Variants in GPM6A observed in about 807,000 individuals in gnomAD.
GPM6A encodes the protein neuronal membrane glycoprotein M6-a.
In GPM6A, 7 loss-of-function variants were observed where a neutral mutation model predicts 32.1. That is an observed-to-expected ratio of 0.22 (90% confidence interval 0.12 to 0.41). The LOEUF (loss-of-function observed/expected upper bound fraction) is 0.41. Among genes scored for constraint, GPM6A ranks in the 10% least tolerant of loss-of-function variants. The pLI is 1.00. For synonymous variants in GPM6A, 130 were observed against 123.4 expected (o/e 1.05, Z -0.35); for missense variants, 235 against 347.2 (o/e 0.68, Z 2.57).
chr4:175,826,789 C>T (rs1735452897), intron 1 of GPM6A, among the ~76,000 whole-genome samples: 1 of 150,956 alleles, frequency 6.6e-6, no homozygotes, highest in Non-Finnish European at 1.5e-5. Context: ...AGTCAGGCAG[C>T]AAAAGAAAAT....
chr4:175,896,193 A>G (rs1737789480), intron 1 of GPM6A, among the ~76,000 whole-genome samples: 1 of 152,130 alleles, frequency 6.6e-6, no homozygotes. Context: ...CAGGATGATG[A>G]AGTCTCAGGG....
intron 1 of GPM6A, among the ~76,000 whole-genome samples, chr4:175,781,621 AT>A (rs1426006454): frequency 1.3e-5 from 2 of 152,072 alleles, no homozygotes; most frequent in African/African-American, 2.4e-5. Context: ...TTTGCCTCTG[AT>A]TTCCTGCACT....
chr4:175,806,180 T>C (rs1458343614), intron 1 of GPM6A: 1 of 152,168 alleles, frequency 6.6e-6, no homozygotes, highest in African/African-American at 2.4e-5. Flanking sequence ...GAGTTCGCAA[T>C]GGACAAACTA....
intron 1 of GPM6A, among the ~76,000 whole-genome samples, chr4:175,851,066 CTG>C (rs1450722564): frequency 5.3e-5 from 8 of 152,092 alleles, no homozygotes; most frequent in African/African-American, 1.9e-4. Context: ...TTTCTGAAGA[CTG>C]TAGCCTCCAG....
At chr4:175,841,380 C>A (rs775933308) in intron 1 of GPM6A, among the ~76,000 whole-genome samples, 1 of 151,804 alleles carries the variant, frequency 6.6e-6, no homozygotes, top group Non-Finnish European at 1.5e-5. Flanking sequence ...TTAATGTACG[C>A]GCCTGGAAAT....
At chr4:175,785,073 A>C (rs763258921) in intron 1 of GPM6A, among the ~76,000 whole-genome samples, 2 of 152,184 alleles carry the variant, frequency 1.3e-5, no homozygotes, top group Non-Finnish European at 2.9e-5. Flanking sequence ...TTGCAAGTAC[A>C]ATGTAACAGA....
rs1177216580 is a variant in GPM6A, at chr4:175,640,202, G to A, written c.619-8C>T. On this transcript the variant is annotated splice_polypyrimidine_tract_variant and splice_region_variant and intron_variant, in intron 5 of 6. Coordinates refer to ENST00000393658, the MANE Select transcript of GPM6A (RefSeq NM_201591.3). Reference sequence around the variant, plus strand: ...GTGGAAGGTCATGTTCAGCTGCAATGGAAACCACAGAGAATCAAAAGGTGT... The same window carrying A: ...GTGGAAGGTCATGTTCAGCTGCAATAGAAACCACAGAGAATCAAAAGGTGT... 2 of 1,610,514 alleles carry A rather than the reference G, an allele frequency of 1.2e-6. No homozygotes were observed. The highest frequency in any genetic ancestry group is 8.5e-7 in the Non-Finnish European group (1 of 1,176,832).
At chr4:175,683,605 T>G (rs939967352) in intron 2 of GPM6A, among the ~76,000 whole-genome samples, 1 of 151,846 alleles carries the variant, frequency 6.6e-6, no homozygotes, top group African/African-American at 2.4e-5. Context: ...GTCTTGGGGG[T>G]GGATCTCTCA....
intron 1 of GPM6A, among the ~76,000 whole-genome samples, chr4:175,845,799 A>G: frequency 6.6e-6 from 1 of 152,116 alleles, no homozygotes; most frequent in East Asian, 1.9e-4. Context: ...TGTCAAGACA[A>G]TCACCATAAG....
At chr4:175,673,545 A>G (rs1743196231) in intron 3 of GPM6A, 135 bp downstream of exon 3, 1 of 549,560 alleles carries the variant, frequency 1.8e-6, no homozygotes, top group Non-Finnish European at 3.1e-6. Flanking sequence ...TGTTATCAAG[A>G]TTTAAGATAG....
intron 1 of GPM6A, among the ~76,000 whole-genome samples, chr4:175,866,714 G>T (rs1457414402): frequency 2.0e-5 from 3 of 152,140 alleles, no homozygotes; most frequent in Non-Finnish European, 4.4e-5. Flanking sequence ...TAAGGATAAA[G>T]CTGCTATAAA....
chr4:175,805,830 A>G (rs1037211627), intron 1 of GPM6A: 2 of 152,168 alleles, frequency 1.3e-5, no homozygotes, highest in African/African-American at 4.8e-5. Context: ...CCAATAAGGA[A>G]CTGAGTCTCA....
chr4:175,749,319 T>C (rs957407569), intron 1 of GPM6A, among the ~76,000 whole-genome samples: 1 of 152,136 alleles, frequency 6.6e-6, no homozygotes, highest in Non-Finnish European at 1.5e-5. Context: ...GTTTGAAATA[T>C]TGTGAGAAAT....
chr4:175,899,544 G>A (rs551431343), intron 1 of GPM6A, among the ~76,000 whole-genome samples: 13 of 152,186 alleles, frequency 8.5e-5, no homozygotes, highest in African/African-American at 2.9e-4. Context: ...ATGGAACAGA[G>A]TAAAGAACAC....
intron 1 of GPM6A, among the ~76,000 whole-genome samples, chr4:175,986,549 C>T (rs1740981307): frequency 6.6e-6 from 1 of 152,136 alleles, no homozygotes; most frequent in Non-Finnish European, 1.5e-5. Flanking sequence ...GAGACTCCAC[C>T]TCTACAAACA....
intron 1 of GPM6A, among the ~76,000 whole-genome samples, chr4:175,995,184 T>G (rs547119399): frequency 6.6e-6 from 1 of 152,272 alleles, no homozygotes; most frequent in East Asian, 1.9e-4. Flanking sequence ...TACTGATATT[T>G]GATCTCCTCC....
chr4:175,792,683 CTCTT>C (rs1235306893), intron 1 of GPM6A, among the ~76,000 whole-genome samples: 2 of 152,090 alleles, frequency 1.3e-5, no homozygotes, highest in East Asian at 1.9e-4. Context: ...CAATGTAAAA[CTCTT>C]TATTTTGGAA....
At chr4:175,944,173 C>T (rs1472850267) in intron 1 of GPM6A, among the ~76,000 whole-genome samples, 1 of 152,012 alleles carries the variant, frequency 6.6e-6, no homozygotes, top group Non-Finnish European at 1.5e-5. Flanking sequence ...AAGTAGCAGA[C>T]AATAATAGAT....
chr4:175,714,706 C>T (rs923797789), intron 1 of GPM6A, among the ~76,000 whole-genome samples: 1 of 152,028 alleles, frequency 6.6e-6, no homozygotes, highest in African/African-American at 2.4e-5. Flanking sequence ...AGAATGGTGA[C>T]ATTTTTATGT....
Sources: gnomAD v4.1 joint callset for allele counts (sites outside exome capture counted in the v4.1 genomes callset) on GRCh38, gnomAD v4.1.1 for gene constraint, MANE v1.5 for transcripts, NCBI Gene and HGNC (gene_info 2026-07-23, HGNC 2026-07-21) for gene names.